SEMA5B: variants seen among roughly 807,000 people sequenced by gnomAD.
The protein encoded by SEMA5B is semaphorin 5B.
In SEMA5B, 66 loss-of-function variants were observed where a neutral mutation model predicts 135.0. The observed-to-expected ratio is 0.49, with a 90% CI of 0.40 to 0.60. SEMA5B has a LOEUF of 0.60. SEMA5B is among the 20% of genes least tolerant of loss of function. The probability of loss-of-function intolerance (pLI) is 0.00; values close to 1 mark genes in which losing one functional copy is unlikely to be tolerated. For synonymous variants in SEMA5B, 690 were observed against 639.5 expected, an observed-to-expected ratio of 1.08 and a Z score of -1.19; for missense variants, 1,501 against 1,566.3, an observed-to-expected ratio of 0.96 and a Z score of 0.70.
intron 1 of SEMA5B, among the ~76,000 whole-genome samples, chr3:122,966,572 TGAGACG>T (rs1388707745): frequency 7.3e-6 from 1 of 137,602 alleles, no homozygotes; most frequent in Non-Finnish European, 1.5e-5. Flanking sequence ...TATTATTTTT[TGAGACG>T]GAGTCTCGCT....
At chr3:122,947,003 G>A (rs1308387068) in intron 3 of SEMA5B, among the ~76,000 whole-genome samples, 1 of 151,954 alleles carries the variant, frequency 6.6e-6, no homozygotes, top group Non-Finnish European at 1.5e-5. Context: ...TGATTGGTCG[G>A]GAGACAGGGA....
intron 1 of SEMA5B, among the ~76,000 whole-genome samples, chr3:123,023,349 C>T (rs772098805): frequency 3.9e-5 from 6 of 151,998 alleles, no homozygotes; most frequent in Non-Finnish European, 7.4e-5. Flanking sequence ...CACACACACA[C>T]ACACACACGA....
chr3:122,968,706 A>T (rs1257450370), intron 1 of SEMA5B, among the ~76,000 whole-genome samples: 2 of 152,158 alleles, frequency 1.3e-5, no homozygotes, highest in African/African-American at 4.8e-5. Flanking sequence ...CAGGCAAGAC[A>T]CTTCCTCCTT....
intron 1 of SEMA5B, among the ~76,000 whole-genome samples, chr3:122,991,378 C>T (rs1272768673): frequency 6.6e-6 from 1 of 152,190 alleles, no homozygotes; most frequent in African/African-American, 2.4e-5. Flanking sequence ...CAGTGTTAAC[C>T]TGAACCAGTA....
In SEMA5B at chr3:122,913,224, G is replaced by A. The variant is rs772457640; in HGVS notation, c.2481C>T (p.Asp827=). The A allele has an allele frequency of 6.3e-7, 1 of 1,578,094 alleles. No individual in the cohort carries two copies. The highest frequency in any genetic ancestry group is 1.1e-5 in the South Asian group (1 of 87,332). ...CGTCGGTGTCGCAGGAGCCGGAGCC[G>A]TCCGCGGGACAGGTCCTCGTCTCGG... ...RRTETRTCPA[D]GSGSCDTDAL... is the part of the protein sequence containing the mutation. Residue 827 remains aspartate, a synonymous_variant, in exon 17 of 23, where the codon GAC becomes GAT. Transcript: ENST00000357599.
At chr3:122,974,411 C>T (rs1423065425) in intron 1 of SEMA5B, among the ~76,000 whole-genome samples, 1 of 152,262 alleles carries the variant, frequency 6.6e-6, no homozygotes, top group Non-Finnish European at 1.5e-5. Flanking sequence ...TGCGCACATG[C>T]CTGAGATCCA....
At chr3:122,980,199 G>C (rs913631183) in intron 1 of SEMA5B, among the ~76,000 whole-genome samples, 1 of 152,192 alleles carries the variant, frequency 6.6e-6, no homozygotes, top group Admixed American at 6.5e-5. Flanking sequence ...GGTGGCTCAC[G>C]CCTGTAATCC....
intron 4 of SEMA5B, among the ~76,000 whole-genome samples, chr3:122,941,838 G>A (rs1308428679): frequency 1.3e-5 from 2 of 152,196 alleles, no homozygotes; most frequent in Non-Finnish European, 2.9e-5. Context: ...TTAGCCTTGG[G>A]GGAAACTGGG....
rs187010614 is a variant in SEMA5B, at chr3:123,014,542, G to C, written c.-39+12922C>G. Among the ~76,000 whole-genome samples the C allele has an allele frequency of 5.3e-5, 8 of 152,316 alleles. No homozygotes were observed. In the East Asian group the frequency reaches 1.5e-3, roughly 29 times the overall value. ...GGTTGCACAGTTGTACCCCAAGGGG[G>C]CTTAGCAATGGATCCTGGCCGCCTG... is the stretch of plus-strand genomic sequence containing the variant. On this transcript the variant is annotated intron_variant, in intron 1 of 22. Transcript: ENST00000357599.
chr3:122,949,752 G>T (rs142080358), intron 2 of SEMA5B, among the ~76,000 whole-genome samples: 10 of 152,252 alleles, frequency 6.6e-5, no homozygotes, highest in African/African-American at 1.7e-4. Flanking sequence ...TGTTGGATCT[G>T]CTGATGCCAC....
intron 1 of SEMA5B, among the ~76,000 whole-genome samples, chr3:123,008,665 C>T (rs1183965304): frequency 6.6e-6 from 1 of 152,122 alleles, no homozygotes; most frequent in Non-Finnish European, 1.5e-5. Flanking sequence ...TAGGTGGGGG[C>T]TACGCATTCA....
chr3:122,951,835 C>T (rs752996368), intron 2 of SEMA5B, among the ~76,000 whole-genome samples: 1 of 152,320 alleles, frequency 6.6e-6, no homozygotes, highest in African/African-American at 2.4e-5. Context: ...TTTGCCCCAA[C>T]CCTTCCTCTC....
chr3:123,013,559 A>G (rs1942485682), intron 1 of SEMA5B, among the ~76,000 whole-genome samples: 1 of 152,106 alleles, frequency 6.6e-6, no homozygotes, highest in Admixed American at 6.6e-5. Context: ...CCCAAAGGCC[A>G]CTCTAACAGT....
chr3:123,008,967 G>A (rs1053657303), intron 1 of SEMA5B, among the ~76,000 whole-genome samples: 1 of 152,194 alleles, frequency 6.6e-6, no homozygotes, highest in African/African-American at 2.4e-5. Flanking sequence ...CACCACAAGT[G>A]CACCTTTGAT....
chr3:122,921,832 C>G (rs575225114), intron 12 of SEMA5B, 83 bp downstream of exon 12: 374 of 1,216,824 alleles, frequency 3.1e-4, no homozygotes, highest in Non-Finnish European at 4.1e-4. Context: ...GGGACCGACC[C>G]CAGGTCTCCC....
intron 4 of SEMA5B, among the ~76,000 whole-genome samples, chr3:122,942,587 G>T (rs1939605598): frequency 6.6e-6 from 1 of 152,204 alleles, no homozygotes; most frequent in African/African-American, 2.4e-5. Context: ...GCTATGTGAT[G>T]CTGGGAAGGT....
chr3:123,025,183 T>C (rs1560458271), intron 1 of SEMA5B, among the ~76,000 whole-genome samples: 1 of 152,154 alleles, frequency 6.6e-6, no homozygotes, highest in Non-Finnish European at 1.5e-5. Context: ...GTAAAGGAAC[T>C]TTTTCCCCTC....
At chr3:122,960,713 G>A (rs1576368505) in intron 2 of SEMA5B, among the ~76,000 whole-genome samples, 1 of 152,354 alleles carries the variant, frequency 6.6e-6, no homozygotes, top group Admixed American at 6.5e-5. Flanking sequence ...AGTGAAGTAA[G>A]CCAGCCACGA....
intron 2 of SEMA5B, among the ~76,000 whole-genome samples, chr3:122,951,713 G>T (rs1342693142): frequency 6.6e-6 from 1 of 152,228 alleles, no homozygotes; most frequent in Non-Finnish European, 1.5e-5. Flanking sequence ...TCCCCCTGAG[G>T]GGGCAGAGTC....
Sources: gnomAD v4.1 joint callset for allele counts (sites outside exome capture counted in the v4.1 genomes callset) on GRCh38, gnomAD v4.1.1 for gene constraint, MANE v1.5 for transcripts, NCBI Gene and HGNC (gene_info 2026-07-23, HGNC 2026-07-21) for gene names.